The following DCTN5 variants were observed in gnomAD, a reference collection of about 807,000 sequenced individuals.
DCTN5 encodes dynactin 4.
Under a neutral mutation model 23.5 loss-of-function variants are expected in DCTN5, and 14 were observed. That is an observed-to-expected ratio of 0.60 (90% CI 0.39 to 0.93). The LOEUF (loss-of-function observed/expected upper bound fraction) is 0.93. DCTN5 is among the 40% of genes least tolerant of loss of function. The probability of loss-of-function intolerance (pLI) is 0.00; values close to 1 mark genes in which losing one functional copy is unlikely to be tolerated. For missense variants in DCTN5, 156 were observed against 225.9 expected, an observed-to-expected ratio of 0.69 and a Z score of 1.98; for synonymous variants, 67 against 79.6, an observed-to-expected ratio of 0.84 and a Z score of 0.84.
At chr16:23,657,001 A>AAAT (rs1555463844) in intron 2 of DCTN5, among the ~76,000 whole-genome samples, 38 of 152,110 alleles carry the variant, frequency 2.5e-4, no homozygotes, top group African/African-American at 7.9e-4. Context: ...AAAAAAAAAA[A>AAAT]AAATAAAGAC....
At chr16:23,658,824 A>G (rs1293790651) in intron 3 of DCTN5, among the ~76,000 whole-genome samples, 199 bp downstream of exon 3, 2 of 152,216 alleles carry the variant, frequency 1.3e-5, no homozygotes, top group Non-Finnish European at 2.9e-5. Flanking sequence ...GAATCCGCTT[A>G]CACACTGGCA....
rs183992303 is a variant in DCTN5 at position 23,676,063 on chromosome 16, C to T, written c.*8919C>T. 2 of 152,160 alleles carry T rather than the reference C, an allele frequency of 1.3e-5. No homozygotes were observed. Among genetic ancestry groups the T allele is most frequent in the Non-Finnish European group, 2.9e-5 (2 of 68,126 alleles). The allele number at this position is 152,160 out of a possible 1,614,324, so 9.4% of individuals were successfully genotyped here. On this transcript the variant is annotated 3_prime_UTR_variant, in exon 6 of 6. Coordinates refer to ENST00000300087, the MANE Select transcript of DCTN5 (RefSeq NM_032486.4). ...TTGTTTACAGGGGTACCACCTGTGCCCCTGGGACTGTGCTTCTGTACATGA... is the reference window on the plus strand; with the variant it reads ...TTGTTTACAGGGGTACCACCTGTGCTCCTGGGACTGTGCTTCTGTACATGA...
At chr16:23,650,424 TCTC>T (rs1455912832) in intron 2 of DCTN5, among the ~76,000 whole-genome samples, 1 of 151,896 alleles carries the variant, frequency 6.6e-6, no homozygotes, top group Non-Finnish European at 1.5e-5. Context: ...TTCAAGCGAT[TCTC>T]CTGCCTCCCT....
At chr16:23,666,828 G>A (rs1282986312) in intron 5 of DCTN5, 5 of 629,776 alleles carry the variant, frequency 7.9e-6, no homozygotes, top group Non-Finnish European at 1.1e-5. Flanking sequence ...TTGCAGAGGA[G>A]GAAGGAGAGA....
chr16:23,661,382 G>T (rs1482864862), intron 4 of DCTN5, 101 bp downstream of exon 4: 5 of 779,936 alleles, frequency 6.4e-6, no homozygotes, highest in Non-Finnish European at 1.1e-5. Context: ...CAGGGTAGCA[G>T]TGGTTTCCAG....
In DCTN5 at chr16:23,676,646, A is replaced by G. The variant is rs1959228919; in HGVS notation, c.*9502A>G. 6.6e-6 allele frequency: 1 copy of G among 152,238 alleles called. No individual in the cohort carries two copies. Among genetic ancestry groups the G allele is most frequent in the Non-Finnish European group, 1.5e-5 (1 of 68,044 alleles). The allele number at this position is 152,238 out of a possible 1,614,324, so 9.4% of individuals were successfully genotyped here. A position where few individuals can be genotyped will look rare whatever the true frequency, so the allele number is the denominator to read the frequency against. On this transcript the variant is annotated 3_prime_UTR_variant, in exon 6 of 6. Coordinates refer to ENST00000300087, the MANE Select transcript of DCTN5 (RefSeq NM_032486.4). Reference sequence around the variant, plus strand: ...TAATGGGATTTATTTTAGCTGGTTAAGTCCAGGACCCCTACCAGGAAGAAC... The same window carrying G: ...TAATGGGATTTATTTTAGCTGGTTAGGTCCAGGACCCCTACCAGGAAGAAC...
rs34148715 is a variant in DCTN5, at chr16:23,675,499, CAAAAAAAA to C, written c.*8366_*8373del. 3.2e-5 allele frequency: 4 copies of C among 123,404 alleles called. No individual in the cohort carries two copies. The highest frequency in any genetic ancestry group is 8.1e-5 in the Admixed American group (1 of 12,378). The allele number at this position is 123,404 out of a possible 1,614,324, so 7.6% of individuals were successfully genotyped here. On this transcript the variant is annotated 3_prime_UTR_variant, in exon 6 of 6. Coordinates refer to ENST00000300087, the MANE Select transcript of DCTN5 (RefSeq NM_032486.4). ...TGGGCAACAGAGCCAGACCATATCT[CAAAAAAAA>C]AAAAAAAAAAGTTTATCTACAAAAA... is the stretch of plus-strand genomic sequence containing the variant.
intron 5 of DCTN5, chr16:23,666,470 C>T (rs1870144910): frequency 6.5e-6 from 1 of 153,856 alleles, no homozygotes; most frequent in Non-Finnish European, 1.4e-5. Context: ...GTGATACGTA[C>T]TTCTCTCAGA....
chr16:23,656,731 C>T (rs916094406), intron 2 of DCTN5, among the ~76,000 whole-genome samples: 1 of 152,016 alleles, frequency 6.6e-6, no homozygotes, highest in African/African-American at 2.4e-5. Flanking sequence ...AGGCTGGGCT[C>T]AGTGGCTCAT....
chr16:23,664,994 CTG>C (rs987827106), intron 4 of DCTN5, among the ~76,000 whole-genome samples: 50 of 152,210 alleles, frequency 3.3e-4, no homozygotes, highest in African/African-American at 1.2e-3. Flanking sequence ...GTCTCCATCT[CTG>C]TGCTGCTTTC....
rs550500772 is a variant in DCTN5 at position 23,647,519 on chromosome 16, G to C, written c.117+4496G>C. Among the ~76,000 whole-genome samples, 7 of 145,126 alleles carry C rather than the reference G, an allele frequency of 4.8e-5. No homozygotes were observed. In the East Asian group the frequency reaches 1.2e-3, roughly 25 times the overall value. On this transcript the variant is annotated intron_variant, in intron 2 of 5. Transcript: ENST00000300087. ...GCTTTTTTTTTTTTAATTTTTTTTT[G>C]GGGGAGGGGGATGGAGTATTGCCCT...
At chr16:23,644,625 A>G (rs1476983457) in intron 2 of DCTN5, among the ~76,000 whole-genome samples, 1 of 151,366 alleles carries the variant, frequency 6.6e-6, no homozygotes, top group African/African-American at 2.4e-5. Flanking sequence ...TAGTAGAGAC[A>G]GGGTTTCACC....
intron 2 of DCTN5, among the ~76,000 whole-genome samples, chr16:23,647,488 C>T (rs374153794): frequency 1.3e-5 from 2 of 148,704 alleles, no homozygotes; most frequent in Non-Finnish European, 3.0e-5. Context: ...CTATTGAGGG[C>T]TGTTTGCTTT....
intron 4 of DCTN5, among the ~76,000 whole-genome samples, chr16:23,664,198 A>G (rs1967865700): frequency 6.6e-6 from 1 of 152,236 alleles, no homozygotes; most frequent in Non-Finnish European, 1.5e-5. Context: ...ACAAGGAAGA[A>G]CGAAGAACTA....
At chr16:23,658,983 G>C (rs1016701978) in intron 3 of DCTN5, among the ~76,000 whole-genome samples, 1 of 152,148 alleles carries the variant, frequency 6.6e-6, no homozygotes, top group East Asian at 1.9e-4. Context: ...ATCCCTCTCT[G>C]TATCTGAGAC....
intron 2 of DCTN5, among the ~76,000 whole-genome samples, chr16:23,647,136 T>TTTTTTTTTTTTGTTTTTTTTG (rs1967481901): frequency 1.9e-3 from 4 of 2,096 alleles, no homozygotes; most frequent in African/African-American, 3.0e-3. Context: ...AGTTTTCTGG[T>TTTTTTTTTTTTGTTTTTTTTG]TTTTTTTTTT....
In DCTN5 at chr16:23,669,805, G is replaced by A. The variant is rs912256102; in HGVS notation, c.*2661G>A. On this transcript the variant is annotated 3_prime_UTR_variant, in exon 6 of 6. Transcript: ENST00000300087. Reference sequence around the variant, plus strand: ...TACCTGAGCCTGGATTAGAGGGCAGGGGGAGGATATTGCCTAGCCAAAGTG... The same window carrying A: ...TACCTGAGCCTGGATTAGAGGGCAGAGGGAGGATATTGCCTAGCCAAAGTG... 6.6e-5 allele frequency: 10 copies of A among 152,328 alleles called. No homozygotes were observed. Among genetic ancestry groups the A allele is most frequent in the Non-Finnish European group, 1.3e-4 (9 of 68,082 alleles). 9.4% of individuals were successfully genotyped at this position (152,328 alleles called of 1,614,324 possible). A position where few individuals can be genotyped will look rare whatever the true frequency, so the allele number is the denominator to read the frequency against.
rs1023927556 is a variant in DCTN5 at position 23,677,409 on chromosome 16, A to G, written c.*10265A>G. 1 of 152,070 alleles carries G rather than the reference A, an allele frequency of 6.6e-6. No individual in the cohort carries two copies. The highest frequency in any genetic ancestry group is 1.5e-5 in the Non-Finnish European group (1 of 68,018). The allele number at this position is 152,070 out of a possible 1,614,324, so 9.4% of individuals were successfully genotyped here. A position where few individuals can be genotyped will look rare whatever the true frequency, so the allele number is the denominator to read the frequency against. ...CTCTATGAACAATTATAATATGTAC[A>G]TTTTTTTCTGTAAGTGTATTAAATT... On this transcript the variant is annotated 3_prime_UTR_variant, in exon 6 of 6. Transcript: ENST00000300087.
chr16:23,644,579 C>T (rs147604148), intron 2 of DCTN5, among the ~76,000 whole-genome samples: 4,890 of 151,704 alleles, frequency 0.032, 157 homozygotes, highest in Admixed American at 0.076. Flanking sequence ...GGATTACAGG[C>T]GTGAGCCACC....
Sources: allele counts gnomAD v4.1 joint callset (sites outside exome capture counted in the v4.1 genomes callset), GRCh38; gene constraint gnomAD v4.1.1; transcripts MANE v1.5; gene names NCBI Gene and HGNC (gene_info 2026-07-23, HGNC 2026-07-21).